EFCAB6: variants seen among roughly 807,000 people sequenced by gnomAD.
EFCAB6 encodes EF-hand calcium binding domain 6, also known as EF-hand calcium-binding domain-containing protein 6.
Under a neutral mutation model 169.8 loss-of-function variants are expected in EFCAB6, and 156 were observed. That is an observed-to-expected ratio of 0.92 (90% CI 0.81 to 1.05). The LOEUF (loss-of-function observed/expected upper bound fraction) is 1.05. EFCAB6 is among the 50% of genes least tolerant of loss of function. The pLI is 0.00. For missense variants in EFCAB6, 1,800 were observed against 1,829.1 expected, an observed-to-expected ratio of 0.98 and a Z score of 0.29; for synonymous variants, 698 against 676.4, an observed-to-expected ratio of 1.03 and a Z score of -0.50.
At chr22:43,543,705 G>A (rs557021262) in intron 27 of EFCAB6, among the ~76,000 whole-genome samples, 1 of 152,116 alleles carries the variant, frequency 6.6e-6, no homozygotes, top group South Asian at 2.1e-4. Context: ...GGATGGGGCC[G>A]GAGCAGTGAG....
rs182234250 is a variant in EFCAB6, at chr22:43,548,047, G to A, written c.3648+6822C>T. 4.3e-4 allele frequency among the ~76,000 whole-genome samples: 66 copies of A among 152,226 alleles called. 1 individual carries two copies. The East Asian group carries it at 0.013, about 30-fold the overall frequency. On this transcript the variant is annotated intron_variant, in intron 27 of 31. Coordinates refer to ENST00000262726, the MANE Select transcript of EFCAB6 (RefSeq NM_022785.4). ...GGAGGCGGAACTTTCAGTGAGCCAA[G>A]AGGGCGCCACTGCACTCCACCCTGG...
chr22:43,771,173 G>C (rs1387949044), intron 4 of EFCAB6, among the ~76,000 whole-genome samples: 1 of 152,190 alleles, frequency 6.6e-6, no homozygotes, highest in Non-Finnish European at 1.5e-5. Context: ...GCTCACCCCT[G>C]TAATCCCGGC....
chr22:43,599,190 G>GCA (rs2052289465), intron 23 of EFCAB6, among the ~76,000 whole-genome samples: 1 of 152,110 alleles, frequency 6.6e-6, no homozygotes, highest in Non-Finnish European at 1.5e-5. Context: ...GCTACTCTTT[G>GCA]CTAAGCCAGT....
At chr22:43,538,383 GTT>G (rs1021768998) in intron 28 of EFCAB6, among the ~76,000 whole-genome samples, 5 of 151,872 alleles carry the variant, frequency 3.3e-5, no homozygotes, top group African/African-American at 1.2e-4. Flanking sequence ...AGTGTTTTTT[GTT>G]TTTTTGTTTT....
At chr22:43,734,913 G>A (rs2060078090) in intron 7 of EFCAB6, among the ~76,000 whole-genome samples, 1 of 152,154 alleles carries the variant, frequency 6.6e-6, no homozygotes, top group African/African-American at 2.4e-5. Context: ...TGAGATACAA[G>A]GAGCTACCGG....
At chr22:43,601,545 A>G (rs1383999794) in intron 22 of EFCAB6, among the ~76,000 whole-genome samples, 3 of 152,216 alleles carry the variant, frequency 2.0e-5, no homozygotes, top group Non-Finnish European at 4.4e-5. Flanking sequence ...TTCCTTTGAG[A>G]GGTACAGCTC....
intron 2 of EFCAB6, among the ~76,000 whole-genome samples, chr22:43,784,585 A>ATATATGTG (rs1854492134): frequency 1.5e-5 from 1 of 67,502 alleles, no homozygotes; most frequent in South Asian, 5.5e-4. Flanking sequence ...ATATACACAT[A>ATATATGTG]TATATGTATA....
chr22:43,601,385 C>T (rs977952069), intron 22 of EFCAB6, among the ~76,000 whole-genome samples: 8 of 152,188 alleles, frequency 5.3e-5, no homozygotes, highest in Non-Finnish European at 1.0e-4. Context: ...CTCATCTAAT[C>T]GATAAAAATG....
chr22:43,720,812 A>C (rs1327454790), intron 8 of EFCAB6, among the ~76,000 whole-genome samples: 1 of 152,172 alleles, frequency 6.6e-6, no homozygotes, highest in African/African-American at 2.4e-5. Context: ...AGAAAACCAA[A>C]CAATGGAATG....
intron 17 of EFCAB6, among the ~76,000 whole-genome samples, chr22:43,655,677 G>A (rs76013890): frequency 0.019 from 2,937 of 152,154 alleles, 95 homozygotes; most frequent in African/African-American, 0.066. Flanking sequence ...AGAACGGACC[G>A]AATACTTCAA....
intron 9 of EFCAB6, among the ~76,000 whole-genome samples, chr22:43,711,893 T>G (rs1343933208): frequency 6.6e-6 from 1 of 152,184 alleles, no homozygotes; most frequent in African/African-American, 2.4e-5. Context: ...ATTTCAGAGC[T>G]AAAAATACTT....
chr22:43,720,292 A>G (rs951055835), intron 8 of EFCAB6, among the ~76,000 whole-genome samples: 3 of 151,956 alleles, frequency 2.0e-5, no homozygotes, highest in African/African-American at 7.3e-5. Flanking sequence ...CCGAGGCAGG[A>G]AGCCAGGAGT....
rs747952472 is a variant in EFCAB6 at position 43,668,989 on chromosome 22, A to G, written c.1697T>C (p.Leu566Ser). 6 of 1,612,480 alleles carry G rather than the reference A, an allele frequency of 3.7e-6. No homozygotes were observed. The highest frequency in any genetic ancestry group is 1.1e-5 in the South Asian group (1 of 90,564). The part of the protein sequence containing the change: ...GSGRILYKKL[L>S]ACIGIDGPPT... ...TGGGCCATCAATTCCTATGCATGCC[A>G]AAAGTTTCTTGTAAAGGATTCTTCC... The change falls in exon 16 of 32, where the codon TTG becomes TCG. Residue 566 changes from leucine (L) to serine (S), a missense_variant. Physicochemically the swap from Leu to Ser is moderately radical, Grantham distance 145 (BLOSUM62 -2). Coordinates refer to ENST00000262726, the MANE Select transcript of EFCAB6 (RefSeq NM_022785.4).
At chr22:43,531,037 C>T in intron 30 of EFCAB6, 73 bp from the exon 31 acceptor site, 2 of 1,584,938 alleles carry the variant, frequency 1.3e-6, no homozygotes, top group Non-Finnish European at 1.7e-6. Context: ...CTCCTCGCCT[C>T]GCCCCCGCCT....
chr22:43,540,535 A>T, intron 27 of EFCAB6, 178 bp from the exon 28 acceptor site: 1 of 1,526,814 alleles, frequency 6.5e-7, no homozygotes, highest in Non-Finnish European at 8.7e-7. Context: ...CGGAGGCCTC[A>T]GGAAGACTCT....
At chr22:43,599,682 G>T (rs1290466390) in intron 23 of EFCAB6, among the ~76,000 whole-genome samples, 1 of 152,150 alleles carries the variant, frequency 6.6e-6, no homozygotes, top group Non-Finnish European at 1.5e-5. Flanking sequence ...TCATTCAACA[G>T]ATATTACTGG....
chr22:43,626,936 C>T (rs1161841614), intron 19 of EFCAB6, among the ~76,000 whole-genome samples: 2 of 152,164 alleles, frequency 1.3e-5, no homozygotes, highest in Non-Finnish European at 2.9e-5. Flanking sequence ...GGGAAAGGAA[C>T]AGGCCACTTT....
At chr22:43,752,780 C>T (rs1428102372) in intron 6 of EFCAB6, among the ~76,000 whole-genome samples, 1 of 152,196 alleles carries the variant, frequency 6.6e-6, no homozygotes, top group Non-Finnish European at 1.5e-5. Flanking sequence ...GCCCTCCTGA[C>T]TTCTTGGGTG....
At position 43,600,115 on chromosome 22, in the gene EFCAB6, C is replaced by T; in HGVS notation, c.2830G>A (p.Glu944Lys). 4.3e-6 allele frequency: 7 copies of T among 1,614,194 alleles called. No homozygotes were observed. The highest frequency in any genetic ancestry group is 5.9e-6 in the Non-Finnish European group (7 of 1,180,040). Residue 944 changes from glutamate (E) to lysine (K), a missense_variant, in exon 23 of 32, where the codon GAG becomes AAG. Coordinates refer to ENST00000262726, the MANE Select transcript of EFCAB6 (RefSeq NM_022785.4). ...HFTKPQQLQE[E>K]MKELQQSTEK... is the part of the protein sequence containing the mutation. ...GTGCTCTGCTGCAGCTCCTTCATCT[C>T]TTCCTGTAGCTGCTGTGGCTTTGTA...
Sources: gnomAD v4.1 joint callset for allele counts (sites outside exome capture counted in the v4.1 genomes callset) on GRCh38, gnomAD v4.1.1 for gene constraint, MANE v1.5 for transcripts, NCBI Gene and HGNC (gene_info 2026-07-23, HGNC 2026-07-21) for gene names.